DLG2: variants seen among roughly 807,000 people sequenced by gnomAD.
DLG2 encodes the protein discs large MAGUK scaffold protein 2.
Under a neutral mutation model 132.5 loss-of-function variants are expected in DLG2, and 45 were observed. That is an observed-to-expected ratio of 0.34 (90% CI 0.27 to 0.44). The LOEUF is 0.44. Ranked by LOEUF, DLG2 falls within the 20% of genes least tolerant of loss-of-function variation. The pLI, the probability that DLG2 is intolerant of heterozygous loss-of-function variation, is 1.00. For missense variants in DLG2, 1,045 were observed against 1,196.9 expected (o/e 0.87, Z 1.87); for synonymous variants, 424 against 419.6 (o/e 1.01, Z -0.13).
chr11:84,876,952 T>C (rs567002957), intron 6 of DLG2, among the ~76,000 whole-genome samples: 34 of 152,340 alleles, frequency 2.2e-4, no homozygotes, highest in African/African-American at 8.2e-4. Flanking sequence ...ACAGCAGTCA[T>C]TCAGGAGCAG....
chr11:84,515,420 CAAAA>C (rs1445150066), intron 7 of DLG2, among the ~76,000 whole-genome samples: 1 of 150,360 alleles, frequency 6.7e-6, no homozygotes, highest in Admixed American at 6.6e-5. Context: ...ATATGAAAAT[CAAAA>C]GAAAGGAAGA....
At chr11:85,080,710 G>A (rs1485933236) in intron 6 of DLG2, among the ~76,000 whole-genome samples, 1 of 152,064 alleles carries the variant, frequency 6.6e-6, no homozygotes, top group Non-Finnish European at 1.5e-5. Context: ...TACCACAAAG[G>A]GATAGTTAAC....
intron 4 of DLG2, among the ~76,000 whole-genome samples, chr11:85,190,610 T>C (rs953329005): frequency 1.3e-5 from 2 of 151,898 alleles, no homozygotes; most frequent in African/African-American, 4.8e-5. Context: ...GATTGATAGA[T>C]TGCTAGCTAG....
chr11:85,386,349 T>A (rs2086320741), intron 3 of DLG2, among the ~76,000 whole-genome samples: 2 of 152,132 alleles, frequency 1.3e-5, no homozygotes, highest in Non-Finnish European at 2.9e-5. Flanking sequence ...GATAAAATAG[T>A]TTGATCAAAG....
intron 6 of DLG2, among the ~76,000 whole-genome samples, chr11:84,747,890 G>A (rs1460874218): frequency 6.6e-6 from 1 of 152,124 alleles, no homozygotes; most frequent in Non-Finnish European, 1.5e-5. Context: ...AAAGTTCTGC[G>A]CCTAATAGAA....
At chr11:83,657,664 G>C (rs1002056568) in intron 18 of DLG2, among the ~76,000 whole-genome samples, 10 of 145,476 alleles carry the variant, frequency 6.9e-5, no homozygotes, top group Non-Finnish European at 1.2e-4. Context: ...TCAGCCTCCC[G>C]AGTAGCTGGG....
At chr11:84,935,706 G>A (rs2048660086) in intron 6 of DLG2, among the ~76,000 whole-genome samples, 1 of 152,134 alleles carries the variant, frequency 6.6e-6, no homozygotes, top group Non-Finnish European at 1.5e-5. Flanking sequence ...CTCCTGCAAT[G>A]CATAGGAGAG....
intron 3 of DLG2, among the ~76,000 whole-genome samples, chr11:85,546,448 C>T (rs1212701402): frequency 6.6e-6 from 1 of 152,120 alleles, no homozygotes; most frequent in African/African-American, 2.4e-5. Flanking sequence ...TGATGTGGTG[C>T]TGAGAAGAAT....
chr11:83,950,015 A>C (rs1180727438), intron 14 of DLG2, among the ~76,000 whole-genome samples: 1 of 152,100 alleles, frequency 6.6e-6, no homozygotes, highest in Non-Finnish European at 1.5e-5. Flanking sequence ...TGGACTGTAC[A>C]TTTTATATAA....
chr11:85,461,594 T>A (rs2092615923), intron 3 of DLG2, among the ~76,000 whole-genome samples: 1 of 152,208 alleles, frequency 6.6e-6, no homozygotes, highest in Non-Finnish European at 1.5e-5. Context: ...CATTCATTTT[T>A]TTAACAGTTT....
At chr11:85,512,907 C>A (rs1187142370) in intron 3 of DLG2, among the ~76,000 whole-genome samples, 3 of 152,048 alleles carry the variant, frequency 2.0e-5, no homozygotes, top group Non-Finnish European at 4.4e-5. Context: ...TTTATTGCAG[C>A]ACTATTCACA....
intron 11 of DLG2, among the ~76,000 whole-genome samples, chr11:84,045,037 T>C (rs1039883125): frequency 6.6e-6 from 1 of 151,800 alleles, no homozygotes; most frequent in Non-Finnish European, 1.5e-5. Flanking sequence ...TCCCTAAGTT[T>C]TACTCATTTT....
chr11:83,559,375 T>C (rs7934242), intron 19 of DLG2, among the ~76,000 whole-genome samples: 2,585 of 152,226 alleles, frequency 0.017, 82 homozygotes, highest in African/African-American at 0.059. Context: ...TCCTGTTGTG[T>C]GTATCAACAG....
At chr11:85,598,248 C>T (rs1332654508) in intron 3 of DLG2, among the ~76,000 whole-genome samples, 1 of 151,902 alleles carries the variant, frequency 6.6e-6, no homozygotes, top group Non-Finnish European at 1.5e-5. Context: ...AAAAGTGTAA[C>T]TTTGATTCTG....
chr11:84,866,119 G>A (rs1360336813), intron 6 of DLG2, among the ~76,000 whole-genome samples: 2 of 152,184 alleles, frequency 1.3e-5, no homozygotes, highest in Admixed American at 6.5e-5. Context: ...ATAGAAGCCA[G>A]GGTAATCTCA....
chr11:85,108,589 A>T (rs2152309682), intron 6 of DLG2, among the ~76,000 whole-genome samples: 1 of 152,138 alleles, frequency 6.6e-6, no homozygotes, highest in Non-Finnish European at 1.5e-5. Flanking sequence ...AGGTATTATC[A>T]AATTATTATT....
intron 6 of DLG2, among the ~76,000 whole-genome samples, chr11:85,044,655 G>A (rs1247586902): frequency 1.3e-5 from 2 of 151,980 alleles, no homozygotes; most frequent in Non-Finnish European, 2.9e-5. Flanking sequence ...CAGGTCAGGG[G>A]CAGTTTTAAA....
At chr11:83,662,685 C>T (rs907852764) in intron 18 of DLG2, among the ~76,000 whole-genome samples, 2 of 152,174 alleles carry the variant, frequency 1.3e-5, no homozygotes, top group Non-Finnish European at 2.9e-5. Context: ...TGGTCCTCTG[C>T]ACTGTTCCTT....
intron 3 of DLG2, among the ~76,000 whole-genome samples, chr11:85,477,537 T>A (rs2093177963): frequency 6.6e-6 from 1 of 152,358 alleles, no homozygotes; most frequent in East Asian, 1.9e-4. Flanking sequence ...CATTTACTAA[T>A]CTAATCTTTG....
Sources: gnomAD v4.1 joint callset for allele counts (sites outside exome capture counted in the v4.1 genomes callset) on GRCh38, gnomAD v4.1.1 for gene constraint, MANE v1.5 for transcripts, NCBI Gene and HGNC (gene_info 2026-07-23, HGNC 2026-07-21) for gene names.